Variants in BRINP3 observed in about 807,000 individuals in gnomAD.
The protein encoded by BRINP3 is BMP/retinoic acid inducible neural specific 3, also known as BMP/retinoic acid-inducible neural-specific protein 3.
In BRINP3, 19 loss-of-function variants were observed where a neutral mutation model predicts 71.0. The ratio of observed to expected loss-of-function variants is 0.27; its 90% CI spans 0.19 to 0.39. The LOEUF (loss-of-function observed/expected upper bound fraction) is 0.39. Among genes scored for constraint, BRINP3 ranks in the 10% least tolerant of loss-of-function variants. The pLI is 1.00. For missense variants in BRINP3, 959 were observed against 940.8 expected, an observed-to-expected ratio of 1.02 and a Z score of -0.25; for synonymous variants, 380 against 337.7, an observed-to-expected ratio of 1.13 and a Z score of -1.37.
chr1:190,173,770 A>C (rs909347324), intron 6 of BRINP3, among the ~76,000 whole-genome samples: 5 of 152,212 alleles, frequency 3.3e-5, no homozygotes, highest in African/African-American at 1.2e-4. Context: ...CACATAAATA[A>C]CACATTTTTA....
intron 2 of BRINP3, among the ~76,000 whole-genome samples, chr1:190,323,307 T>A (rs912445036): frequency 2.0e-5 from 3 of 151,902 alleles, no homozygotes; most frequent in Non-Finnish European, 4.4e-5. Flanking sequence ...AATAGAGAGG[T>A]TACTGGGTCT....
chr1:190,282,841 C>T (rs556151610), intron 2 of BRINP3, among the ~76,000 whole-genome samples: 1 of 152,012 alleles, frequency 6.6e-6, no homozygotes, highest in East Asian at 1.9e-4. Flanking sequence ...ATACAGACCA[C>T]TTTGATGAGA....
chr1:190,434,233 CG>C (rs1674301015), intron 2 of BRINP3, among the ~76,000 whole-genome samples: 2 of 151,980 alleles, frequency 1.3e-5, no homozygotes, highest in South Asian at 4.1e-4. Context: ...CACCAGCCTC[CG>C]GAACAGCTGG....
At chr1:190,315,593 A>G (rs558481153) in intron 2 of BRINP3, among the ~76,000 whole-genome samples, 12 of 152,256 alleles carry the variant, frequency 7.9e-5, no homozygotes, top group African/African-American at 2.9e-4. Flanking sequence ...TACACGAGAA[A>G]TGCAGTTATT....
At chr1:190,345,715 G>GAA (rs10664849) in intron 2 of BRINP3, among the ~76,000 whole-genome samples, 24,611 of 103,374 alleles carry the variant, frequency 0.24, 2,813 homozygotes, top group South Asian at 0.32. Flanking sequence ...TTTACCTTCA[G>GAA]AAAAAAAAAA....
chr1:190,460,132 A>G (rs866310426), intron 1 of BRINP3, among the ~76,000 whole-genome samples: 121 of 152,066 alleles, frequency 8.0e-4, no homozygotes, highest in African/African-American at 2.7e-3. Context: ...ATGTAAAACT[A>G]TGAATCTTCA....
At chr1:190,106,792 T>C (rs1402812550) in intron 7 of BRINP3, among the ~76,000 whole-genome samples, 2 of 151,896 alleles carry the variant, frequency 1.3e-5, no homozygotes, top group Admixed American at 6.6e-5. Context: ...ATAATATCTG[T>C]TTTTCTTTAA....
intron 2 of BRINP3, among the ~76,000 whole-genome samples, chr1:190,348,319 A>G (rs939792763): frequency 1.3e-5 from 2 of 152,122 alleles, no homozygotes; most frequent in African/African-American, 4.8e-5. Context: ...CTGCAAATTG[A>G]GTGGAGTGCT....
intron 2 of BRINP3, among the ~76,000 whole-genome samples, chr1:190,369,559 C>T (rs930279128): frequency 6.6e-6 from 1 of 151,826 alleles, no homozygotes; most frequent in Non-Finnish European, 1.5e-5. Flanking sequence ...ATTAAATGTA[C>T]AATCTCTGAG....
At chr1:190,327,034 A>AGCCT (rs1666623478) in intron 2 of BRINP3, among the ~76,000 whole-genome samples, 1 of 151,192 alleles carries the variant, frequency 6.6e-6, no homozygotes, top group African/African-American at 2.4e-5. Context: ...AAAATACACA[A>AGCCT]GCCTGGCACG....
In BRINP3 at chr1:190,170,462, T is replaced by G. The variant is rs545812652; in HGVS notation, c.962-9572A>C. 5.3e-5 allele frequency among the ~76,000 whole-genome samples: 8 copies of G among 152,238 alleles called. No homozygotes were observed. In the East Asian group the frequency reaches 1.5e-3, roughly 29 times the overall value. Reference sequence around the variant, plus strand: ...AGAAGGAAATGATTGAACCTAAATATAAACATCTACAGACTAGTTCATGTG... The same window carrying G: ...AGAAGGAAATGATTGAACCTAAATAGAAACATCTACAGACTAGTTCATGTG... On this transcript the variant is annotated intron_variant, in intron 6 of 7. Coordinates refer to ENST00000367462, the MANE Select transcript of BRINP3 (RefSeq NM_199051.3).
chr1:190,280,981 G>C (rs1169389561), intron 3 of BRINP3, among the ~76,000 whole-genome samples: 1 of 151,778 alleles, frequency 6.6e-6, no homozygotes, highest in Non-Finnish European at 1.5e-5. Context: ...AGGCTAAATA[G>C]TATTTAACAA....
intron 1 of BRINP3, chr1:190,474,893 G>C (rs1677398508): frequency 1.3e-5 from 2 of 152,134 alleles, no homozygotes. Flanking sequence ...CTCTGGAAGA[G>C]AGCGCTCCCA....
chr1:190,281,519 C>T (rs779229786), intron 3 of BRINP3, 41 bp downstream of exon 3: 1 of 1,575,900 alleles, frequency 6.3e-7, no homozygotes, highest in South Asian at 1.1e-5. Flanking sequence ...CGGTTTTAGG[C>T]ACAAGCACAC....
At chr1:190,229,475 T>C (rs930988577) in intron 5 of BRINP3, among the ~76,000 whole-genome samples, 1 of 151,898 alleles carries the variant, frequency 6.6e-6, no homozygotes, top group Non-Finnish European at 1.5e-5. Flanking sequence ...AGTATGTCTT[T>C]ATTAGCAGCA....
chr1:190,451,775 A>C (rs1214629570), intron 2 of BRINP3, among the ~76,000 whole-genome samples: 3 of 152,248 alleles, frequency 2.0e-5, no homozygotes, highest in Non-Finnish European at 4.4e-5. Context: ...ATTTTAAAAA[A>C]TCTTAGCCCT....
chr1:190,275,703 A>G (rs1382835765), intron 3 of BRINP3, among the ~76,000 whole-genome samples: 1 of 151,694 alleles, frequency 6.6e-6, no homozygotes, highest in Non-Finnish European at 1.5e-5. Context: ...AACCAGAAAA[A>G]ATATAATAAA....
intron 2 of BRINP3, among the ~76,000 whole-genome samples, chr1:190,378,103 C>T (rs902070125): frequency 6.6e-6 from 1 of 152,076 alleles, no homozygotes; most frequent in African/African-American, 2.4e-5. Flanking sequence ...TGGTCTCACA[C>T]TTCTTGACCT....
intron 2 of BRINP3, among the ~76,000 whole-genome samples, chr1:190,346,566 T>C: frequency 6.6e-6 from 1 of 152,170 alleles, no homozygotes; most frequent in Admixed American, 6.6e-5. Context: ...TGCCAATATC[T>C]ACCTAATTGT....
Sources: gnomAD v4.1 joint callset for allele counts (sites outside exome capture counted in the v4.1 genomes callset) on GRCh38, gnomAD v4.1.1 for gene constraint, MANE v1.5 for transcripts, NCBI Gene and HGNC (gene_info 2026-07-23, HGNC 2026-07-21) for gene names.